Variants in TRPC7 observed in about 807,000 individuals in gnomAD.
TRPC7 encodes transient receptor potential cation channel subfamily C member 7, also known as short transient receptor potential channel 7.
In TRPC7, 42 loss-of-function variants were observed where a neutral mutation model predicts 90.1. The ratio of observed to expected loss-of-function variants is 0.47; its 90% CI spans 0.36 to 0.60. TRPC7 has a LOEUF of 0.60. TRPC7 is among the 20% of genes least tolerant of loss of function. The probability of loss-of-function intolerance (pLI) is 0.00; values close to 1 mark genes in which losing one functional copy is unlikely to be tolerated. For missense variants in TRPC7, 955 were observed against 1,112.3 expected (o/e 0.86, Z 2.01); for synonymous variants, 451 against 436.3 (o/e 1.03, Z -0.42).
chr5:136,274,599 A>G (rs531861031), intron 4 of TRPC7, 74 bp downstream of exon 4: 21 of 1,369,120 alleles, frequency 1.5e-5, no homozygotes, highest in Middle Eastern at 1.9e-4. Context: ...TAATTTGAAC[A>G]AAATGGATTT....
chr5:136,354,682 C>G (rs1760307488), intron 2 of TRPC7, among the ~76,000 whole-genome samples: 1 of 152,206 alleles, frequency 6.6e-6, no homozygotes, highest in South Asian at 2.1e-4. Flanking sequence ...CTTTCCATGG[C>G]TTTCCCTTTC....
At chr5:136,286,321 G>A (rs1461762969) in intron 3 of TRPC7, among the ~76,000 whole-genome samples, 2 of 152,164 alleles carry the variant, frequency 1.3e-5, no homozygotes, top group Admixed American at 1.3e-4. Context: ...TGTGGTGGAA[G>A]CTGGGATAAC....
At chr5:136,253,778 G>A (rs768069445) in intron 5 of TRPC7, among the ~76,000 whole-genome samples, 4 of 152,132 alleles carry the variant, frequency 2.6e-5, no homozygotes, top group Non-Finnish European at 4.4e-5. Context: ...GCTTTTAAGT[G>A]AAAGGAAGAG....
intron 5 of TRPC7, among the ~76,000 whole-genome samples, chr5:136,257,201 G>A (rs946604742): frequency 2.5e-5 from 2 of 81,428 alleles, no homozygotes; most frequent in African/African-American, 9.8e-5. Context: ...TTTTTTTTTT[G>A]CGATGGAGTC....
At chr5:136,318,901 T>G (rs1759108621) in intron 2 of TRPC7, among the ~76,000 whole-genome samples, 1 of 152,088 alleles carries the variant, frequency 6.6e-6, no homozygotes, top group Admixed American at 6.5e-5. Context: ...TGATATTTCA[T>G]GGTCAATGAA....
At chr5:136,363,442 T>C (rs1347006160) in intron 1 of TRPC7, among the ~76,000 whole-genome samples, 4 of 152,126 alleles carry the variant, frequency 2.6e-5, no homozygotes, top group African/African-American at 7.2e-5. Flanking sequence ...AAGCTACTGA[T>C]AATAATTTGC....
At chr5:136,217,595 C>A (rs1215151394) in intron 10 of TRPC7, among the ~76,000 whole-genome samples, 1 of 152,240 alleles carries the variant, frequency 6.6e-6, no homozygotes, top group Non-Finnish European at 1.5e-5. Context: ...AGTTAATTGG[C>A]AGTTGCCTTC....
At chr5:136,287,679 T>G (rs1580903109) in intron 3 of TRPC7, among the ~76,000 whole-genome samples, 2 of 95,796 alleles carry the variant, frequency 2.1e-5, no homozygotes, top group Non-Finnish European at 3.8e-5. Context: ...AGGGACAGAG[T>G]GGATGCTCAA....
chr5:136,264,592 TTTTG>T (rs1756963187), intron 5 of TRPC7, among the ~76,000 whole-genome samples: 2 of 152,086 alleles, frequency 1.3e-5, no homozygotes, highest in African/African-American at 2.4e-5. Context: ...CTGTTTTTTT[TTTTG>T]TTTGTTTTCT....
intron 3 of TRPC7, among the ~76,000 whole-genome samples, chr5:136,297,397 G>T (rs574807130): frequency 1.3e-5 from 2 of 152,152 alleles, no homozygotes; most frequent in East Asian, 3.9e-4. Flanking sequence ...TAGCAGTCAG[G>T]CAATGAGGCA....
intron 5 of TRPC7, among the ~76,000 whole-genome samples, chr5:136,260,988 CTG>C (rs1756838458): frequency 6.6e-6 from 1 of 152,100 alleles, no homozygotes; most frequent in South Asian, 2.1e-4. Flanking sequence ...GAGAAAAGAA[CTG>C]TGCTATTTTG....
chr5:136,283,128 T>A (rs1233034437), intron 3 of TRPC7, among the ~76,000 whole-genome samples: 1 of 152,172 alleles, frequency 6.6e-6, no homozygotes, highest in Non-Finnish European at 1.5e-5. Context: ...GTATGACCAG[T>A]TTTCTGCCCT....
At chr5:136,237,147 A>T (rs991452375) in intron 7 of TRPC7, among the ~76,000 whole-genome samples, 1 of 152,172 alleles carries the variant, frequency 6.6e-6, no homozygotes, top group Non-Finnish European at 1.5e-5. Flanking sequence ...TGCCTGAGAA[A>T]GTCTGAACTC....
At chr5:136,245,959 T>C (rs892563465) in intron 7 of TRPC7, among the ~76,000 whole-genome samples, 39 of 152,318 alleles carry the variant, frequency 2.6e-4, no homozygotes, top group African/African-American at 9.4e-4. Context: ...ACTCTTCCAC[T>C]AGACCCTTCT....
chr5:136,298,356 G>A (rs1053195102), intron 3 of TRPC7, among the ~76,000 whole-genome samples: 1 of 152,228 alleles, frequency 6.6e-6, no homozygotes, highest in Non-Finnish European at 1.5e-5. Context: ...TGAGCAGGAG[G>A]GAGTTTGGTG....
intron 5 of TRPC7, among the ~76,000 whole-genome samples, chr5:136,262,246 G>A (rs1247346974): frequency 1.3e-5 from 2 of 152,172 alleles, no homozygotes; most frequent in East Asian, 3.8e-4. Flanking sequence ...TCACTTTTGT[G>A]CTGAAAACTC....
At chr5:136,360,163 G>A (rs1215937868) in intron 1 of TRPC7, among the ~76,000 whole-genome samples, 2 of 152,116 alleles carry the variant, frequency 1.3e-5, no homozygotes, top group Non-Finnish European at 2.9e-5. Context: ...TCATAGCAGA[G>A]AAATATTTCA....
chr5:136,237,620 C>T (rs560342717), intron 7 of TRPC7, among the ~76,000 whole-genome samples: 2 of 152,320 alleles, frequency 1.3e-5, no homozygotes, highest in East Asian at 3.9e-4. Flanking sequence ...ATAGCCTCAT[C>T]TCTCTGTGCT....
At chr5:136,327,197 A>C (rs1039442741) in intron 2 of TRPC7, among the ~76,000 whole-genome samples, 5 of 152,198 alleles carry the variant, frequency 3.3e-5, no homozygotes, top group African/African-American at 1.2e-4. Context: ...CAAGAACCAA[A>C]ATTGTGATAG....
Sources: gnomAD v4.1 joint callset for allele counts (sites outside exome capture counted in the v4.1 genomes callset) on GRCh38, gnomAD v4.1.1 for gene constraint, MANE v1.5 for transcripts, NCBI Gene and HGNC (gene_info 2026-07-23, HGNC 2026-07-21) for gene names.